The following TNFRSF10A variants were observed in gnomAD, a reference collection of about 807,000 sequenced individuals.
The protein encoded by TNFRSF10A is tumor necrosis factor receptor superfamily member 10A.
A neutral mutation model predicts 42.8 loss-of-function variants in TNFRSF10A; 44 were observed. The observed-to-expected ratio is 1.03, with a 90% CI of 0.81 to 1.32. The LOEUF is 1.32. TNFRSF10A is among the 40% of genes most tolerant of loss of function. The pLI is 0.00. For missense variants in TNFRSF10A, 680 were observed against 602.0 expected (o/e 1.13, Z -1.36); for synonymous variants, 259 against 234.2 (o/e 1.11, Z -0.97).
chr8:23,206,323 G>C (rs1366039965), intron 2 of TNFRSF10A, among the ~76,000 whole-genome samples: 1 of 152,178 alleles, frequency 6.6e-6, no homozygotes, highest in African/African-American at 2.4e-5. Context: ...GAATGTCCCA[G>C]GCCTTCACAT....
intron 6 of TNFRSF10A, 127 bp downstream of exon 6, chr8:23,200,378 C>T: frequency 9.6e-7 from 1 of 1,040,814 alleles, no homozygotes; most frequent in Non-Finnish European, 1.5e-6. Context: ...GGGGTGATCA[C>T]AAGGAGGAAG....
At chr8:23,202,032 A>G in intron 3 of TNFRSF10A, 113 bp from the exon 4 acceptor site, 3 of 920,824 alleles carry the variant, frequency 3.3e-6, no homozygotes, top group Non-Finnish European at 5.1e-6. Context: ...TTTGCCAAGG[A>G]GTTCTGAGGG....
rs201625909 is a variant in TNFRSF10A at position 23,200,664 on chromosome 8, G to A, written c.703+23C>T. On this transcript the variant is annotated intron_variant, in intron 5 of 9. Coordinates refer to ENST00000221132, the MANE Select transcript of TNFRSF10A (RefSeq NM_003844.4). The stretch of plus-strand genomic sequence containing the variant: ...TGGTCCCTGTCTCCTCTGCAGCTGG[G>A]GCTTCCCCAGTGGGCTTTGTACCTG... The A allele has an allele frequency of 2.3e-4, 373 of 1,614,112 alleles. No individual in the cohort carries two copies. The African/African-American group carries it at 4.4e-3, about 19-fold the overall frequency.
At chr8:23,197,973 G>T (rs1397819200) in intron 8 of TNFRSF10A, among the ~76,000 whole-genome samples, 7 of 152,034 alleles carry the variant, frequency 4.6e-5, no homozygotes, top group East Asian at 3.9e-4. Context: ...TCATGTCAAA[G>T]CACCTTATCA....
At chr8:23,207,012 C>A in intron 2 of TNFRSF10A, 1 of 406,966 alleles carries the variant, frequency 2.5e-6, no homozygotes, top group Admixed American at 3.0e-5. Context: ...AGAAAGGTGT[C>A]CACTGCCATG....
At chr8:23,208,580 T>C (rs546387256) in intron 2 of TNFRSF10A, among the ~76,000 whole-genome samples, 1 of 152,220 alleles carries the variant, frequency 6.6e-6, no homozygotes, top group African/African-American at 2.4e-5. Flanking sequence ...CTCAGCCTCC[T>C]GAGTAGCTGG....
chr8:23,198,643 C>T (rs1800860418), intron 8 of TNFRSF10A, among the ~76,000 whole-genome samples: 1 of 152,052 alleles, frequency 6.6e-6, no homozygotes, highest in Admixed American at 6.5e-5. Context: ...AAGAAAAAGC[C>T]CTTCAATGTC....
intron 9 of TNFRSF10A, 85 bp from the exon 10 acceptor site, chr8:23,192,098 C>T (rs1800763543): frequency 2.6e-6 from 4 of 1,520,042 alleles, no homozygotes; most frequent in Non-Finnish European, 3.5e-6. Flanking sequence ...GGCCCAGAAC[C>T]CAAGGAGAGA....
chr8:23,215,039 T>C (rs1801156707), intron 1 of TNFRSF10A, among the ~76,000 whole-genome samples: 4 of 152,204 alleles, frequency 2.6e-5, no homozygotes. Flanking sequence ...ATATTGAGGA[T>C]TGTATTGTGG....
In TNFRSF10A at chr8:23,202,727, G is replaced by A. The variant is rs774203881; in HGVS notation, c.438C>T (p.Asn146=). ...SHRSEHPGAC[N]RCTEGVGYTN... ...TGTAACCCACACCCTCTGTGCACCG[G>A]TTACAGGCTCCAGGATGTTCTGATC... Residue 146 remains asparagine, a synonymous_variant, in exon 3 of 10, where the codon AAC becomes AAT. Transcript: ENST00000221132. The A allele has an allele frequency of 2.0e-5, 32 of 1,613,858 alleles. No homozygotes were observed. The South Asian group carries it at 3.1e-4, about 16-fold the overall frequency.
At chr8:23,221,331 A>G (rs182313550) in intron 1 of TNFRSF10A, among the ~76,000 whole-genome samples, 1 of 152,328 alleles carries the variant, frequency 6.6e-6, no homozygotes, top group East Asian at 1.9e-4. Context: ...AGAGTCACAG[A>G]GCTGAAGAGG....
At chr8:23,211,210 A>C (rs1801087805) in intron 2 of TNFRSF10A, among the ~76,000 whole-genome samples, 1 of 152,220 alleles carries the variant, frequency 6.6e-6, no homozygotes, top group Non-Finnish European at 1.5e-5. Context: ...CTGCAAGGTT[A>C]TAGAATACAA....
intron 8 of TNFRSF10A, among the ~76,000 whole-genome samples, chr8:23,198,644 C>T (rs925106710): frequency 6.6e-6 from 1 of 152,114 alleles, no homozygotes; most frequent in Admixed American, 6.5e-5. Context: ...AGAAAAAGCC[C>T]TTCAATGTCA....
At chr8:23,215,671 G>T (rs189393563) in intron 1 of TNFRSF10A, among the ~76,000 whole-genome samples, 1 of 152,184 alleles carries the variant, frequency 6.6e-6, no homozygotes, top group Admixed American at 6.5e-5. Context: ...AATCCAAGTT[G>T]TCAAATTGAT....
In TNFRSF10A at chr8:23,197,125, CACTT is replaced by C. The variant is rs761555376; in HGVS notation, c.1087+3_1087+6del. 2 of 1,614,138 alleles carry C rather than the reference CACTT, an allele frequency of 1.2e-6. No individual in the cohort carries two copies. The highest frequency in any genetic ancestry group is 1.1e-5 in the South Asian group (1 of 91,090). ...TTCTGCTGCATCTCCAGGAGCAAAA[CACTT>C]ACTCTCAGTGGGGTCAGCACCATTT... On this transcript the variant is annotated splice_donor_5th_base_variant and intron_variant, in intron 9 of 9. Coordinates refer to ENST00000221132, the MANE Select transcript of TNFRSF10A (RefSeq NM_003844.4).
chr8:23,224,668 A>T, intron 1 of TNFRSF10A, 88 bp downstream of exon 1: 2 of 1,450,754 alleles, frequency 1.4e-6, no homozygotes, highest in South Asian at 2.7e-5. Flanking sequence ...GACCCGGGCC[A>T]GGCACCCCCG....
intron 2 of TNFRSF10A, among the ~76,000 whole-genome samples, chr8:23,209,626 T>A (rs984276638): frequency 1.3e-5 from 2 of 152,222 alleles, no homozygotes; most frequent in African/African-American, 4.8e-5. Context: ...CCCTGCTGGA[T>A]TTCAAACATG....
intron 2 of TNFRSF10A, among the ~76,000 whole-genome samples, chr8:23,211,468 G>A (rs746119604): frequency 8.5e-5 from 13 of 152,152 alleles, no homozygotes; most frequent in Non-Finnish European, 1.5e-4. Flanking sequence ...AAGATGCCAG[G>A]AACCTCTAAA....
At chr8:23,205,175 G>A (rs1800986844) in intron 2 of TNFRSF10A, among the ~76,000 whole-genome samples, 1 of 152,066 alleles carries the variant, frequency 6.6e-6, no homozygotes, top group Non-Finnish European at 1.5e-5. Flanking sequence ...ACAACTAATT[G>A]TGTTAAAAAA....
Sources: gnomAD v4.1 joint callset for allele counts (sites outside exome capture counted in the v4.1 genomes callset) on GRCh38, gnomAD v4.1.1 for gene constraint, MANE v1.5 for transcripts, NCBI Gene and HGNC (gene_info 2026-07-23, HGNC 2026-07-21) for gene names.